The following PPARGC1A variants were observed in gnomAD, a reference collection of about 807,000 sequenced individuals.
PPARGC1A encodes PPARG coactivator 1 alpha.
A neutral mutation model predicts 88.7 loss-of-function variants in PPARGC1A; 25 were observed. The ratio of observed to expected loss-of-function variants is 0.28; its 90% CI spans 0.21 to 0.39. The LOEUF (loss-of-function observed/expected upper bound fraction) is 0.39. Ranked by LOEUF, PPARGC1A falls within the 10% of genes least tolerant of loss-of-function variation. PPARGC1A has a pLI of 1.00. For synonymous variants in PPARGC1A, 363 were observed against 355.6 expected, an observed-to-expected ratio of 1.02 and a Z score of -0.24; for missense variants, 880 against 968.7, an observed-to-expected ratio of 0.91 and a Z score of 1.22.
chr4:24,128,308 T>C, the PPARGC1A span, among the ~76,000 whole-genome samples: 7 of 152,206 alleles, frequency 4.6e-5, no homozygotes, highest in Non-Finnish European at 8.8e-5. Context: ...ATATATCTTA[T>C]ACGGAGTGTT....
the PPARGC1A span, among the ~76,000 whole-genome samples, chr4:23,942,207 C>T: frequency 2.0e-5 from 3 of 152,190 alleles, no homozygotes; most frequent in African/African-American, 7.2e-5. Context: ...TCAACATCAA[C>T]ACACAGGCCT....
the PPARGC1A span, among the ~76,000 whole-genome samples, chr4:24,141,847 A>G: frequency 6.6e-6 from 1 of 152,172 alleles, no homozygotes; most frequent in Non-Finnish European, 1.5e-5. Context: ...CCTTCCATGA[A>G]AATAAAAATC....
the PPARGC1A span, among the ~76,000 whole-genome samples, chr4:24,362,301 C>A: frequency 6.6e-6 from 1 of 151,980 alleles, no homozygotes; most frequent in Non-Finnish European, 1.5e-5. Context: ...CAGTATTGAG[C>A]ACAATTTCTG....
chr4:24,175,847 T>C, the PPARGC1A span, among the ~76,000 whole-genome samples: 1 of 152,076 alleles, frequency 6.6e-6, no homozygotes, highest in Non-Finnish European at 1.5e-5. Context: ...CTCCAGAATC[T>C]CGTTTATTTC....
the PPARGC1A span, among the ~76,000 whole-genome samples, chr4:24,386,992 A>G: frequency 6.6e-6 from 1 of 152,200 alleles, no homozygotes; most frequent in Non-Finnish European, 1.5e-5. Context: ...TTCAAACTAT[A>G]CTACAAGGCT....
At chr4:23,915,710 A>T in the PPARGC1A span, among the ~76,000 whole-genome samples, 1 of 152,200 alleles carries the variant, frequency 6.6e-6, no homozygotes, top group Non-Finnish European at 1.5e-5. Context: ...TATTCCAAAT[A>T]CTGAATTCCA....
the PPARGC1A span, among the ~76,000 whole-genome samples, chr4:23,986,543 A>G: frequency 6.6e-6 from 1 of 152,154 alleles, no homozygotes; most frequent in African/African-American, 2.4e-5. Flanking sequence ...AAGAGGTAGA[A>G]GCAAACTCTT....
the PPARGC1A span, among the ~76,000 whole-genome samples, chr4:24,288,800 G>A: frequency 6.6e-6 from 1 of 152,186 alleles, no homozygotes; most frequent in African/African-American, 2.4e-5. Context: ...ACACAACCAA[G>A]TGAATAGTAA....
the PPARGC1A span, among the ~76,000 whole-genome samples, chr4:23,986,295 G>C: frequency 3.5e-4 from 54 of 152,144 alleles, 2 homozygotes; most frequent in African/African-American, 1.3e-3. Flanking sequence ...GGGGAAAATA[G>C]AAAGATTTCA....
chr4:24,006,915 A>C, the PPARGC1A span, among the ~76,000 whole-genome samples: 1 of 152,164 alleles, frequency 6.6e-6, no homozygotes, highest in African/African-American at 2.4e-5. Flanking sequence ...TTGACTGTCA[A>C]GTTAGCTTAT....
chr4:24,058,774 C>T, the PPARGC1A span, among the ~76,000 whole-genome samples: 2 of 152,032 alleles, frequency 1.3e-5, no homozygotes, highest in Non-Finnish European at 2.9e-5. Flanking sequence ...GGAGAAACCT[C>T]GTCTCTACTA....
At chr4:24,272,816 A>G in the PPARGC1A span, among the ~76,000 whole-genome samples, 4 of 152,336 alleles carry the variant, frequency 2.6e-5, no homozygotes, top group Middle Eastern at 3.4e-3. Flanking sequence ...GCAATAAGCA[A>G]AGACTCTTCA....
At chr4:23,870,449 T>C (rs1231342373) in intron 2 of PPARGC1A, among the ~76,000 whole-genome samples, 1 of 152,206 alleles carries the variant, frequency 6.6e-6, no homozygotes, top group Non-Finnish European at 1.5e-5. Context: ...CAACTTTCTG[T>C]AGTTTGTAGT....
chr4:23,835,466 TTGTGTGTGTGTGTGTGTGTGTGTG>T (rs145407468), intron 2 of PPARGC1A, among the ~76,000 whole-genome samples: 1 of 135,294 alleles, frequency 7.4e-6, no homozygotes, highest in Non-Finnish European at 1.6e-5. Context: ...GCATGGCGGC[TTGTGTGTGTGTGTGTGTGTGTGTG>T]TGTGTGTGTG....
chr4:24,386,355 C>T, the PPARGC1A span, among the ~76,000 whole-genome samples: 3 of 152,138 alleles, frequency 2.0e-5, no homozygotes, highest in Non-Finnish European at 4.4e-5. Flanking sequence ...CCTCTCTCAC[C>T]ACTCTTATTC....
chr4:23,922,911 G>A, the PPARGC1A span, among the ~76,000 whole-genome samples: 1 of 152,156 alleles, frequency 6.6e-6, no homozygotes, highest in Non-Finnish European at 1.5e-5. Flanking sequence ...GGGGGCCACT[G>A]CAATGGGGCA....
chr4:23,929,586 T>G, the PPARGC1A span, among the ~76,000 whole-genome samples: 35,088 of 152,108 alleles, frequency 0.23, 4,984 homozygotes, highest in Admixed American at 0.38. Flanking sequence ...TGAATGTTAA[T>G]GACAGAAACC....
At chr4:24,324,315 G>A in the PPARGC1A span, among the ~76,000 whole-genome samples, 1 of 152,008 alleles carries the variant, frequency 6.6e-6, no homozygotes, top group Non-Finnish European at 1.5e-5. Flanking sequence ...GCTTCCCTAG[G>A]GGGCAAGAAC....
the PPARGC1A span, among the ~76,000 whole-genome samples, chr4:24,406,152 A>C: frequency 3.3e-5 from 5 of 152,238 alleles, no homozygotes; most frequent in Non-Finnish European, 7.3e-5. Context: ...GTAAAATGTC[A>C]TCATGTTCTT....
Sources: allele counts gnomAD v4.1 joint callset (sites outside exome capture counted in the v4.1 genomes callset), GRCh38; gene constraint gnomAD v4.1.1; transcripts MANE v1.5; gene names NCBI Gene and HGNC (gene_info 2026-07-23, HGNC 2026-07-21).